Variants in TRIM37 observed in about 807,000 individuals in gnomAD.
The protein encoded by TRIM37 is E3 ubiquitin-protein ligase TRIM37.
TRIM37 carries 80 observed loss-of-function variants against 129.8 expected under a neutral mutation model. The observed-to-expected ratio is 0.62, with a 90% CI of 0.51 to 0.74. The LOEUF is 0.74. Among genes scored for constraint, TRIM37 ranks in the 30% least tolerant of loss-of-function variants. TRIM37 has a pLI of 0.00. For missense variants in TRIM37, 1,054 were observed against 1,176.5 expected (o/e 0.90, Z 1.52); for synonymous variants, 389 against 387.1 (o/e 1.00, Z -0.06).
chr17:59,016,543 G>C (rs1356180964), intron 20 of TRIM37, among the ~76,000 whole-genome samples: 1 of 121,536 alleles, frequency 8.2e-6, no homozygotes, highest in African/African-American at 3.1e-5. Flanking sequence ...CAGGAAGATT[G>C]TTTGAGCCCA....
chr17:58,997,296 A>C (rs1309869555), downstream of TRIM37, among the ~76,000 whole-genome samples: 2 of 152,212 alleles, frequency 1.3e-5, no homozygotes, highest in African/African-American at 4.8e-5. Flanking sequence ...ACCTGAAATT[A>C]TCTCAAAATT....
chr17:59,061,136 TA>T (rs1442877611), intron 11 of TRIM37, 28 bp from the exon 12 acceptor site: 2 of 1,591,866 alleles, frequency 1.3e-6, no homozygotes, highest in Non-Finnish European at 1.7e-6. Flanking sequence ...AGTTTGAGTG[TA>T]AAAAAATTAA....
intron 3 of TRIM37, 118 bp downstream of exon 3, chr17:59,091,182 C>G (rs2044266906): frequency 5.5e-6 from 3 of 542,662 alleles, no homozygotes; most frequent in Non-Finnish European, 9.7e-6. Context: ...TTCTACTCAA[C>G]TATCTTCACG....
chr17:59,030,367 C>T (rs34741117), intron 18 of TRIM37, among the ~76,000 whole-genome samples: 36,747 of 152,084 alleles, frequency 0.24, 4,748 homozygotes, highest in African/African-American at 0.33. Context: ...TCAGCCTCCC[C>T]AAGTGTTGAG....
chr17:59,101,771 T>C (rs569786440), intron 2 of TRIM37, among the ~76,000 whole-genome samples: 3 of 143,824 alleles, frequency 2.1e-5, no homozygotes, highest in South Asian at 4.4e-4. Context: ...CACACATATA[T>C]ACATATATAT....
At chr17:59,019,211 C>T (rs1232115696) in intron 19 of TRIM37, among the ~76,000 whole-genome samples, 1 of 152,192 alleles carries the variant, frequency 6.6e-6, no homozygotes, top group East Asian at 1.9e-4. Context: ...ACGTTCATAG[C>T]AGCACTACTG....
chr17:59,065,798 C>CT (rs2041875357), intron 9 of TRIM37, among the ~76,000 whole-genome samples: 1 of 152,178 alleles, frequency 6.6e-6, no homozygotes, highest in African/African-American at 2.4e-5. Flanking sequence ...CACTGCCACA[C>CT]TATGATAGTG....
chr17:59,040,785 G>A (rs141505815), intron 17 of TRIM37, among the ~76,000 whole-genome samples: 4,400 of 152,100 alleles, frequency 0.029, 177 homozygotes, highest in African/African-American at 0.09. Flanking sequence ...GGTGGCTCAC[G>A]CCTGTAATCC....
chr17:59,046,226 G>A (rs1291804229), intron 16 of TRIM37, among the ~76,000 whole-genome samples: 1 of 152,008 alleles, frequency 6.6e-6, no homozygotes, highest in Non-Finnish European at 1.5e-5. Flanking sequence ...ATGAAAAATA[G>A]GATATTTACA....
At chr17:58,971,695 C>T in the TRIM37 span, among the ~76,000 whole-genome samples, 1 of 152,122 alleles carries the variant, frequency 6.6e-6, no homozygotes, top group Non-Finnish European at 1.5e-5. Flanking sequence ...AGCTAGGACT[C>T]TCCCACTGAA....
At chr17:59,079,664 T>C (rs2043099192) in intron 7 of TRIM37, 90 bp downstream of exon 7, 1 of 1,529,772 alleles carries the variant, frequency 6.5e-7, no homozygotes, top group Non-Finnish European at 9.0e-7. Context: ...TCAAGATTCC[T>C]TCCTAGGATG....
At position 58,982,833 on chromosome 17, in the gene TRIM37, C is replaced by T. The variant is rs2031440305; in HGVS notation, c.*85G>A. 5.8e-6 allele frequency: 8 copies of T among 1,378,480 alleles called. No individual in the cohort carries two copies. The South Asian group carries it at 1.0e-4, about 17-fold the overall frequency. The allele number at this position is 1,378,480 out of a possible 1,614,324, so 85.4% of individuals were successfully genotyped here. A position where few individuals can be genotyped will look rare whatever the true frequency, so the allele number is the denominator to read the frequency against. The stretch of plus-strand genomic sequence containing the variant: ...TTTTCATCATTCTGAGGCTTTGCCC[C>T]ACACATGGTCCTCACTCATATCTGT... On this transcript the variant is annotated 3_prime_UTR_variant, in exon 25 of 25. Transcript: ENST00000393066.
chr17:59,085,146 G>A (rs1199806848), intron 4 of TRIM37, among the ~76,000 whole-genome samples: 1 of 152,072 alleles, frequency 6.6e-6, no homozygotes, highest in Non-Finnish European at 1.5e-5. Flanking sequence ...CCAATATAGT[G>A]AAACTCCTTC....
intron 18 of TRIM37, among the ~76,000 whole-genome samples, chr17:59,030,871 T>C (rs538926825): frequency 6.6e-6 from 1 of 152,336 alleles, no homozygotes; most frequent in South Asian, 2.1e-4. Context: ...CCAACTTACA[T>C]ATCTACCTAC....
chr17:59,004,955 A>T lies in TRIM37; in HGVS notation c.2696-3241T>A, dbSNP rs1049010993. Among the ~76,000 whole-genome samples the T allele has an allele frequency of 5.3e-5, 8 of 152,358 alleles. No individual in the cohort carries two copies. In the South Asian group the frequency reaches 1.7e-3, roughly 32 times the overall value. On this transcript the variant is annotated intron_variant, in intron 22 of 23. Coordinates refer to ENST00000262294, the MANE Select transcript of TRIM37 (RefSeq NM_015294.6). ...ACAAAAAAACAAACTTTCCTGTTCTAAAAGAGTGAAGAGTTTACAACAATT... is the reference window on the plus strand; with the variant it reads ...ACAAAAAAACAAACTTTCCTGTTCTTAAAGAGTGAAGAGTTTACAACAATT...
chr17:59,092,447 T>G (rs1479763652), intron 2 of TRIM37, among the ~76,000 whole-genome samples: 3 of 151,334 alleles, frequency 2.0e-5, no homozygotes, highest in African/African-American at 7.3e-5. Flanking sequence ...TAATTGAAGC[T>G]TCTAGATATC....
intron 19 of TRIM37, among the ~76,000 whole-genome samples, chr17:59,026,874 GA>G (rs1485573933): frequency 6.6e-6 from 1 of 152,156 alleles, no homozygotes; most frequent in Non-Finnish European, 1.5e-5. Flanking sequence ...TCTACTTCTT[GA>G]GATGCATTAT....
chr17:59,049,330 G>C lies in TRIM37; in HGVS notation c.1378C>G (p.Leu460Val), dbSNP rs2146135709. 6.2e-7 allele frequency: 1 copy of C among 1,614,160 alleles called. No individual in the cohort carries two copies. The highest frequency in any genetic ancestry group is 2.2e-5 in the East Asian group (1 of 44,878). Residue 460 changes from leucine (L) to valine (V), a missense_variant, in exon 15 of 24, where the codon CTT becomes GTT. Leu to Val is a conservative substitution (Grantham distance 32). Transcript: ENST00000262294. Reference sequence around the variant, plus strand: ...AGAGCATCATCATTTTGGGGGCTAAGATGGTTATCTGGTGGTGACAAATCT... The same window carrying C: ...AGAGCATCATCATTTTGGGGGCTAACATGGTTATCTGGTGGTGACAAATCT... ...SRDLSPPDNH[L>V]SPQNDDALET...
At position 59,001,700 on chromosome 17, in the gene TRIM37, T is replaced by C. The variant is rs1415262170; in HGVS notation, c.2710A>G (p.Ser904Gly). The C allele has an allele frequency of 6.2e-7, 1 of 1,614,098 alleles. No individual in the cohort carries two copies. ...TTCTCAGTGTCACATTCAATGTCAC[T>C]GTCGCTACTCATTCCTGGCAGGAAG... The part of the protein sequence containing the change: ...AAPEEGMSSD[S>G]DIECDTENEE... The change falls in exon 23 of 24, where the codon AGT (serine) becomes GGT (glycine). Residue 904 changes from serine (S) to glycine (G), a missense_variant. Physicochemically the swap from Ser to Gly is moderately conservative, Grantham distance 56 (BLOSUM62 0). Coordinates refer to ENST00000262294, the MANE Select transcript of TRIM37 (RefSeq NM_015294.6).
Sources: gnomAD v4.1 joint callset for allele counts (sites outside exome capture counted in the v4.1 genomes callset) on GRCh38, gnomAD v4.1.1 for gene constraint, MANE v1.5 for transcripts, NCBI Gene and HGNC (gene_info 2026-07-23, HGNC 2026-07-21) for gene names.